CCDC88B: variants seen among roughly 807,000 people sequenced by gnomAD.
The protein encoded by CCDC88B is coiled-coil and HOOK domain protein 88B, also known as coiled-coil domain-containing protein 88B.
In CCDC88B, 138 loss-of-function variants were observed where a neutral mutation model predicts 183.7. That is an observed-to-expected ratio of 0.75 (90% CI 0.65 to 0.87). The LOEUF (loss-of-function observed/expected upper bound fraction) is 0.87. Ranked by LOEUF, CCDC88B falls within the 40% of genes least tolerant of loss-of-function variation. The pLI is 0.00. For synonymous variants in CCDC88B, 835 were observed against 867.5 expected (o/e 0.96, Z 0.66); for missense variants, 1,822 against 1,965.6 (o/e 0.93, Z 1.38).
intron 18 of CCDC88B, 64 bp from the exon 19 acceptor site, chr11:64,352,066 C>G (rs548822391): frequency 7.7e-5 from 117 of 1,514,354 alleles, no homozygotes; most frequent in Admixed American, 1.1e-4. Flanking sequence ...AGCCCCCCGC[C>G]TCTCACTCGA....
At chr11:64,356,088 G>A (rs78915465) in intron 26 of CCDC88B, 1 of 149,762 alleles carries the variant, frequency 6.7e-6, no homozygotes, top group African/African-American at 2.5e-5. Context: ...AGGTTCAAAC[G>A]ATTCTCCTGG....
In CCDC88B at chr11:64,349,120, C is replaced by T. The variant is rs1163165725; in HGVS notation, c.2617-211C>T. 29 of 728,466 alleles carry T rather than the reference C, an allele frequency of 4.0e-5. No individual in the cohort carries two copies. The East Asian group carries it at 7.8e-4, about 20-fold the overall frequency. The allele number at this position is 728,466 out of a possible 1,614,324, so 45.1% of individuals were successfully genotyped here. A position where few individuals can be genotyped will look rare whatever the true frequency, so the allele number is the denominator to read the frequency against. ...CCCAGGGGCCTTCCTCATGCCCTGCCAGGCTTACAACACCCAGCTCTTTCA... is the reference window on the plus strand; with the variant it reads ...CCCAGGGGCCTTCCTCATGCCCTGCTAGGCTTACAACACCCAGCTCTTTCA... On this transcript the variant is annotated intron_variant, in intron 14 of 26. Coordinates refer to ENST00000356786, the MANE Select transcript of CCDC88B (RefSeq NM_032251.6).
At chr11:64,345,194 G>A (rs1207559921) in intron 14 of CCDC88B, 37 bp downstream of exon 14, 1 of 1,530,272 alleles carries the variant, frequency 6.5e-7, no homozygotes, top group Non-Finnish European at 8.7e-7. Flanking sequence ...GGGTTGGGAA[G>A]CAGAGTTCCA....
Position 64,349,364 on chromosome 11 carries a change from T to G in CCDC88B, c.2650T>G (p.Leu884Val). Residue 884 changes from leucine (L) to valine (V), a missense_variant, in exon 15 of 27, where the codon TTG becomes GTG. Physicochemically the swap from Leu to Val is conservative, Grantham distance 32 (BLOSUM62 1). Coordinates refer to ENST00000356786, the MANE Select transcript of CCDC88B (RefSeq NM_032251.6). The stretch of plus-strand genomic sequence containing the variant: ...GAAAGCTGTGGTGCGGGGCAAGGAG[T>G]TGGGGGACCGGCTGGAGCATTTGCA... ...LEKAVVRGKE[L>V]GDRLEHLQRE... The G allele has an allele frequency of 6.2e-7, 1 of 1,612,314 alleles. No individual in the cohort carries two copies. Among genetic ancestry groups the G allele is most frequent in the Non-Finnish European group, 8.5e-7 (1 of 1,179,652 alleles).
chr11:64,356,576 C>CAAAAAA, intron 26 of CCDC88B: 1 of 158,934 alleles, frequency 6.3e-6, no homozygotes, highest in Admixed American at 6.2e-5. Flanking sequence ...GTCTCAAAAA[C>CAAAAAA]AAAAAACAAA....
At chr11:64,341,803 G>A (rs2035868074) in intron 7 of CCDC88B, 61 bp downstream of exon 7, 2 of 1,532,950 alleles carry the variant, frequency 1.3e-6, no homozygotes, top group Non-Finnish European at 1.7e-6. Context: ...TCAGGGAGCC[G>A]GTTGTGCAAG....
chr11:64,351,599 C>A lies in CCDC88B; in HGVS notation c.3082C>A (p.His1028Asn). Reference sequence around the variant, plus strand: ...GCTGCAGAGCCAGCGGGCGCAGGAGCACAGCAGCCGCCTGCAGGTGGGTGG... The same window carrying A: ...GCTGCAGAGCCAGCGGGCGCAGGAGAACAGCAGCCGCCTGCAGGTGGGTGG... ...LLLQSQRAQE[H>N]SSRLQAEKSV... The change falls in exon 18 of 27, where the codon CAC becomes AAC. Residue 1028 changes from histidine to asparagine, a missense_variant. By Grantham distance (68) the His-to-Asn change is moderately conservative. Transcript: ENST00000356786. 6.4e-7 allele frequency: 1 copy of A among 1,564,582 alleles called. No homozygotes were observed. The highest frequency in any genetic ancestry group is 1.8e-5 in the Admixed American group (1 of 55,590).
In CCDC88B at chr11:64,357,123, C is replaced by T. The variant is rs779163576; in HGVS notation, c.*29C>T. ...CGTGGGAACAGCAGGCTTGGGAGTG[C>T]AGCCTTCTCGGCACTGGAGTGTCAG... On this transcript the variant is annotated 3_prime_UTR_variant, in exon 27 of 27. Transcript: ENST00000356786. 4.3e-6 allele frequency: 7 copies of T among 1,613,272 alleles called. No individual in the cohort carries two copies. The highest frequency in any genetic ancestry group is 2.2e-5 in the East Asian group (1 of 44,874).
chr11:64,352,667 C>T (rs916576487), intron 19 of CCDC88B, 77 bp from the exon 20 acceptor site: 41 of 1,590,350 alleles, frequency 2.6e-5, no homozygotes, highest in South Asian at 1.1e-4. Flanking sequence ...CCCCCCGCCC[C>T]GGGTCCAGAT....
At chr11:64,355,023 C>T (rs2036496219) in intron 24 of CCDC88B, among the ~76,000 whole-genome samples, 171 bp from the exon 25 acceptor site, 1 of 112,150 alleles carries the variant, frequency 8.9e-6, no homozygotes, top group South Asian at 3.6e-4. Context: ...AGCCTCAGCC[C>T]CCACTTCCCT....
chr11:64,351,721 C>T (rs1284379827), intron 18 of CCDC88B, 105 bp downstream of exon 18: 5 of 1,332,940 alleles, frequency 3.8e-6, no homozygotes, highest in East Asian at 5.1e-5. Flanking sequence ...GCCAGCTGCC[C>T]CACCTCTTCC....
At position 64,343,537 on chromosome 11, in the gene CCDC88B, C is replaced by T; in HGVS notation, c.1240C>T (p.Gln414Ter). Residue 414 changes from glutamine (Q) to a stop codon, truncating the protein, a stop_gained, in exon 12 of 27, where the codon CAG (glutamine) becomes TAG (stop). Coordinates refer to ENST00000356786, the MANE Select transcript of CCDC88B (RefSeq NM_032251.6). LOFTEE classifies it high-confidence loss of function. ...GGACTCTCTGCGGCATCAGGTGGAC[C>T]AGCTGGCTGAGGAGAATGTGGAGCT... ...ELDSLRHQVD[Q>*]LAEENVELEL... The T allele has an allele frequency of 6.4e-7, 1 of 1,551,940 alleles. No homozygotes were observed. The highest frequency in any genetic ancestry group is 8.7e-7 in the Non-Finnish European group (1 of 1,147,108).
chr11:64,343,037 G>T (rs1367755553), intron 10 of CCDC88B, 142 bp from the exon 11 acceptor site: 2 of 978,336 alleles, frequency 2.0e-6, no homozygotes, highest in Admixed American at 2.9e-5. Context: ...GAAGGGAGTG[G>T]CGGGGCCTAG....
intron 22 of CCDC88B, 42 bp from the exon 23 acceptor site, chr11:64,353,673 C>G: frequency 6.2e-7 from 1 of 1,609,230 alleles, no homozygotes; most frequent in Non-Finnish European, 8.5e-7. Context: ...GCCTCGGCCT[C>G]CCTGGGCCTC....
chr11:64,344,984 G>A lies in CCDC88B; in HGVS notation c.2443G>A (p.Val815Met). 1.3e-6 allele frequency: 2 copies of A among 1,548,426 alleles called. No individual in the cohort carries two copies. The highest frequency in any genetic ancestry group is 2.1e-4 in the Middle Eastern group (1 of 4,760). ...TGCGTCCCAGGAACGGGAGGCGCTG[G>A]TGGAGGCGCTGGCAGCAGCGGGCCG... ...ESASQEREAL[V>M]EALAAAGRER... Residue 815 changes from valine to methionine, a missense_variant, in exon 14 of 27, where the codon GTG (valine) becomes ATG (methionine). Transcript: ENST00000356786. The surrounding 1 kb of genome is among the most constrained non-coding windows in gnomAD (Gnocchi z 4.5).
chr11:64,351,066 C>T, intron 16 of CCDC88B, 94 bp from the exon 17 acceptor site: 2 of 853,128 alleles, frequency 2.3e-6, no homozygotes, highest in South Asian at 4.0e-5. Flanking sequence ...AGGCTAAATG[C>T]TGCTGGCAGG....
rs753614206 is a variant in CCDC88B at position 64,357,170 on chromosome 11, G to A, written c.*76G>A. 4.0e-5 allele frequency: 63 copies of A among 1,556,994 alleles called. No homozygotes were observed. Among genetic ancestry groups the A allele is most frequent in the Non-Finnish European group, 5.0e-5 (56 of 1,128,330 alleles). On this transcript the variant is annotated 3_prime_UTR_variant, in exon 27 of 27. Transcript: ENST00000356786. Reference sequence around the variant, plus strand: ...TCAGCGGAGGCCCCAGGCAGCCCAAGAGCTCAGGGAGCCAGGGACCCCAAG... The same window carrying A: ...TCAGCGGAGGCCCCAGGCAGCCCAAAAGCTCAGGGAGCCAGGGACCCCAAG...
chr11:64,349,160 G>T, intron 14 of CCDC88B, 171 bp from the exon 15 acceptor site: 1 of 816,442 alleles, frequency 1.2e-6, no homozygotes, highest in South Asian at 1.5e-5. Context: ...CAATTTCAAG[G>T]GCCCCAGGCT....
chr11:64,354,190 G>T lies in CCDC88B; in HGVS notation c.4099+20G>T. ...GGACAGGTGGGTCTGGGGGTCAGGT[G>T]GCCAGGATGGTCCCTGCCCCACATC... On this transcript the variant is annotated intron_variant, in intron 24 of 26. Coordinates refer to ENST00000356786, the MANE Select transcript of CCDC88B (RefSeq NM_032251.6). The T allele has an allele frequency of 1.5e-6, 2 of 1,329,876 alleles. No homozygotes were observed. The highest frequency in any genetic ancestry group is 2.5e-5 in the South Asian group (1 of 39,668). The allele number at this position is 1,329,876 out of a possible 1,614,324, so 82.4% of individuals were successfully genotyped here. A position where few individuals can be genotyped will look rare whatever the true frequency, so the allele number is the denominator to read the frequency against.
Sources: gnomAD v4.1 joint callset for allele counts (sites outside exome capture counted in the v4.1 genomes callset) on GRCh38, gnomAD v4.1.1 for gene constraint, Gnocchi (gnomAD v3.1) non-coding constraint, MANE v1.5 for transcripts, NCBI Gene and HGNC (gene_info 2026-07-23, HGNC 2026-07-21) for gene names.